Variants in CCDC15 observed in about 807,000 individuals in gnomAD.
The protein encoded by CCDC15 is coiled-coil domain-containing protein 15.
CCDC15 carries 105 observed loss-of-function variants against 114.5 expected under a neutral mutation model. That is an observed-to-expected ratio of 0.92 (90% CI 0.78 to 1.08). CCDC15 has a LOEUF of 1.08. CCDC15 is among the 50% of genes least tolerant of loss of function. CCDC15 has a pLI of 0.00. For missense variants in CCDC15, 1,105 were observed against 1,093.6 expected, an observed-to-expected ratio of 1.01 and a Z score of -0.15; for synonymous variants, 334 against 377.8, an observed-to-expected ratio of 0.88 and a Z score of 1.34.
chr11:124,987,756 G>T lies in CCDC15; in HGVS notation c.1530G>T (p.Leu510Phe), dbSNP rs111966038. 10 of 1,604,718 alleles carry T rather than the reference G, an allele frequency of 6.2e-6. No individual in the cohort carries two copies. The East Asian group carries it at 1.1e-4, about 18-fold the overall frequency. Residue 510 changes from leucine to phenylalanine, a missense_variant, in exon 8 of 16, where the codon TTG (leucine) becomes TTT (phenylalanine). Coordinates refer to ENST00000344762, the MANE Select transcript of CCDC15 (RefSeq NM_025004.3). ...QNFLPKDQNF[L>F]SRDQHVLPKD... ...TTCTACCTAAGGACCAGAATTTTTTGTCTAGAGACCAGCATGTTCTCCCCA... is the reference window on the plus strand; with the variant it reads ...TTCTACCTAAGGACCAGAATTTTTTTTCTAGAGACCAGCATGTTCTCCCCA...
chr11:124,966,409 T>G lies in CCDC15; in HGVS notation c.516+6406T>G, dbSNP rs181239723. Among the ~76,000 whole-genome samples the G allele has an allele frequency of 1.7e-3, 261 of 152,284 alleles. 2 individuals carry two copies. Among genetic ancestry groups the G allele is most frequent in the Middle Eastern group, 0.017 (5 of 294 alleles). ...ACCGTTATGTAATGGCCTTGTCTCT[T>G]GATCTTTATTGGTTTAAAGTCTGTT... On this transcript the variant is annotated intron_variant, in intron 4 of 15. Coordinates refer to ENST00000344762, the MANE Select transcript of CCDC15 (RefSeq NM_025004.3).
In CCDC15 at chr11:124,993,252, C is replaced by T; in HGVS notation, c.2214+9C>T. 1 of 1,541,354 alleles carries T rather than the reference C, an allele frequency of 6.5e-7. No homozygotes were observed. The highest frequency in any genetic ancestry group is 8.9e-7 in the Non-Finnish European group (1 of 1,118,988). On this transcript the variant is annotated intron_variant, in intron 11 of 15. Coordinates refer to ENST00000344762, the MANE Select transcript of CCDC15 (RefSeq NM_025004.3). ...CTCCTGGAGTGCCCTTGGTATGTTT[C>T]ACACAATATTCAAGATCTAGTCTCT...
At chr11:125,018,917 AAGGCTGGAC>A (rs1209486205) in intron 13 of CCDC15, among the ~76,000 whole-genome samples, 2 of 152,012 alleles carry the variant, frequency 1.3e-5, no homozygotes, top group African/African-American at 4.8e-5. Flanking sequence ...GGAGAGGGGA[AAGGCTGGAC>A]AGGAATTCCA....
rs1231600545 is a variant in CCDC15, at chr11:124,959,933, C to T, written c.446C>T (p.Ser149Phe). 1 of 1,586,374 alleles carries T rather than the reference C, an allele frequency of 6.3e-7. No homozygotes were observed. The highest frequency in any genetic ancestry group is 2.3e-5 in the East Asian group (1 of 44,282). Residue 149 changes from serine to phenylalanine, a missense_variant, in exon 4 of 16, where the codon TCC (serine) becomes TTC (phenylalanine). Physicochemically the swap from Ser to Phe is radical, Grantham distance 155. Coordinates refer to ENST00000344762, the MANE Select transcript of CCDC15 (RefSeq NM_025004.3). ...VAIGSSRLPP[S>F]LMPGDGIEDE... Reference sequence around the variant, plus strand: ...ATTGGAAGTTCTAGGTTACCTCCTTCCCTGATGCCTGGGGATGGAATAGAG... The same window carrying T: ...ATTGGAAGTTCTAGGTTACCTCCTTTCCTGATGCCTGGGGATGGAATAGAG...
intron 13 of CCDC15, among the ~76,000 whole-genome samples, chr11:125,031,270 G>T (rs190957361): frequency 5.4e-4 from 83 of 152,352 alleles, no homozygotes; most frequent in African/African-American, 1.8e-3. Context: ...TGTGAACCAG[G>T]CCGTAGTCTT....
At chr11:124,967,559 C>T (rs1275021469) in intron 4 of CCDC15, among the ~76,000 whole-genome samples, 2 of 152,102 alleles carry the variant, frequency 1.3e-5, no homozygotes, top group African/African-American at 4.8e-5. Context: ...TTTTAGCTTC[C>T]TTGCGATGGG....
Position 124,987,981 on chromosome 11 carries a change from T to C in CCDC15, c.1755T>C (p.Phe585=). 1.2e-6 allele frequency: 2 copies of C among 1,613,850 alleles called. No individual in the cohort carries two copies. The highest frequency in any genetic ancestry group is 1.1e-5 in the South Asian group (1 of 91,066). Residue 585 remains phenylalanine (F), a synonymous_variant, in exon 8 of 16, where the codon TTT becomes TTC. Coordinates refer to ENST00000344762, the MANE Select transcript of CCDC15 (RefSeq NM_025004.3). Reference sequence around the variant, plus strand: ...TACCCATATGTCAGGACCAGGATTTTCTACCCAGAGACCAAGGTTATCTTC... The same window carrying C: ...TACCCATATGTCAGGACCAGGATTTCCTACCCAGAGACCAAGGTTATCTTC... ...NILPICQDQD[F]LPRDQGYLPK...
intron 4 of CCDC15, among the ~76,000 whole-genome samples, chr11:124,961,526 T>C (rs1353566566): frequency 1.3e-5 from 2 of 152,132 alleles, no homozygotes; most frequent in Non-Finnish European, 2.9e-5. Flanking sequence ...TCAAGAGAAT[T>C]TGTTTTTCTT....
chr11:124,988,019 A>G lies in CCDC15; in HGVS notation c.1793A>G (p.Asn598Ser). ...RDQGYLPKDQ[N>S]ILPICQDRDF... ...CAAGGTTATCTTCCTAAAGACCAAAATATTCTACCCATATGTCAGGACCGG... is the reference window on the plus strand; with the variant it reads ...CAAGGTTATCTTCCTAAAGACCAAAGTATTCTACCCATATGTCAGGACCGG... The change falls in exon 8 of 16, where the codon AAT becomes AGT. Residue 598 changes from asparagine (N) to serine (S), a missense_variant. Transcript: ENST00000344762. The G allele has an allele frequency of 6.2e-7, 1 of 1,613,822 alleles. No individual in the cohort carries two copies. Among genetic ancestry groups the G allele is most frequent in the African/African-American group, 1.3e-5 (1 of 75,028 alleles).
In CCDC15 at chr11:124,977,536, TGCCCATTAAG is replaced by T; in HGVS notation, c.691_700del (p.Pro231SerfsTer6). ...ATAAATACAGGAATAAGAGGAGAGT[TGCCCATTAAG>T]GTCCATCAAGGTCTTTTAGCTGCTG... is the stretch of plus-strand genomic sequence containing the variant. On this transcript the variant is annotated frameshift_variant, in exon 6 of 16. Transcript: ENST00000344762. LOFTEE classifies it high-confidence loss of function. 6.2e-7 allele frequency: 1 copy of T among 1,608,714 alleles called. No homozygotes were observed. The highest frequency in any genetic ancestry group is 8.5e-7 in the Non-Finnish European group (1 of 1,177,302).
chr11:124,989,111 A>G (rs1461559870), intron 8 of CCDC15, among the ~76,000 whole-genome samples: 1 of 152,214 alleles, frequency 6.6e-6, no homozygotes, highest in African/African-American at 2.4e-5. Context: ...ACAGAAATGT[A>G]TTTTATAAAT....
chr11:125,005,246 T>G (rs1948541636), intron 13 of CCDC15, 34 bp downstream of exon 13: 1 of 963,210 alleles, frequency 1.0e-6, no homozygotes, highest in African/African-American at 1.7e-5. Context: ...GAGCCTTAAA[T>G]TGCCAATTAA....
chr11:125,023,600 T>A (rs1218404782), intron 13 of CCDC15, among the ~76,000 whole-genome samples: 1 of 152,028 alleles, frequency 6.6e-6, no homozygotes, highest in African/African-American at 2.4e-5. Flanking sequence ...TACCAGCTCA[T>A]ACTCACTAGA....
chr11:125,017,187 G>T (rs1414470343), intron 13 of CCDC15, among the ~76,000 whole-genome samples: 1 of 152,106 alleles, frequency 6.6e-6, no homozygotes, highest in East Asian at 1.9e-4. Flanking sequence ...AGAATAAAAT[G>T]ATATGGTTTC....
chr11:125,013,555 TAAG>T (rs1948609892), intron 13 of CCDC15, among the ~76,000 whole-genome samples: 1 of 152,222 alleles, frequency 6.6e-6, no homozygotes, highest in Non-Finnish European at 1.5e-5. Flanking sequence ...TAATAATATT[TAAG>T]AAGTAGAATC....
intron 13 of CCDC15, among the ~76,000 whole-genome samples, chr11:125,023,482 A>G (rs1168323165): frequency 1.3e-5 from 2 of 152,196 alleles, no homozygotes; most frequent in South Asian, 2.1e-4. Flanking sequence ...AAAAGTGGAC[A>G]AGGATTTAAA....
At position 124,986,745 on chromosome 11, in the gene CCDC15, C is replaced by A; in HGVS notation, c.757C>A (p.Leu253Ile). Residue 253 changes from leucine to isoleucine, a missense_variant, in exon 7 of 16, where the codon CTT becomes ATT. Physicochemically the swap from Leu to Ile is conservative, Grantham distance 5. Coordinates refer to ENST00000344762, the MANE Select transcript of CCDC15 (RefSeq NM_025004.3). ...TTTTCATTGTTTTTTTCTTTAGGAA[C>A]TTGACTATGAGGAACCTGACTATGA... Reference protein sequence around the residue: ...PYQNYMENQELDYEEPDYEES... With the variant: ...PYQNYMENQEIDYEEPDYEES... 1 of 1,511,858 alleles carries A rather than the reference C, an allele frequency of 6.6e-7. No homozygotes were observed. Among genetic ancestry groups the A allele is most frequent in the Non-Finnish European group, 8.9e-7 (1 of 1,128,136 alleles). The allele number at this position is 1,511,858 out of a possible 1,614,324, so 93.7% of individuals were successfully genotyped here. A position where few individuals can be genotyped will look rare whatever the true frequency, so the allele number is the denominator to read the frequency against.
intron 4 of CCDC15, among the ~76,000 whole-genome samples, chr11:124,972,154 T>A (rs1187335636): frequency 6.6e-6 from 1 of 152,226 alleles, no homozygotes; most frequent in African/African-American, 2.4e-5. Context: ...TCTAATTATT[T>A]ATCTAATTAT....
intron 6 of CCDC15, among the ~76,000 whole-genome samples, chr11:124,984,060 G>A (rs1023009541): frequency 6.6e-5 from 10 of 152,006 alleles, no homozygotes; most frequent in African/African-American, 1.9e-4. Flanking sequence ...CCTTTGCATT[G>A]GCAGTAGTGA....
Sources: allele counts gnomAD v4.1 joint callset (sites outside exome capture counted in the v4.1 genomes callset), GRCh38; gene constraint gnomAD v4.1.1; transcripts MANE v1.5; gene names NCBI Gene and HGNC (gene_info 2026-07-23, HGNC 2026-07-21).